Variants in NALCN observed in about 807,000 individuals in gnomAD.
NALCN encodes sodium leak channel NALCN.
In NALCN, 111 loss-of-function variants were observed where a neutral mutation model predicts 225.3. The ratio of observed to expected loss-of-function variants is 0.49; its 90% confidence interval spans 0.42 to 0.58. The LOEUF is 0.58. Among genes scored for constraint, NALCN ranks in the 20% least tolerant of loss-of-function variants. The probability of loss-of-function intolerance (pLI) is 0.00; values close to 1 mark genes in which losing one functional copy is unlikely to be tolerated. For synonymous variants in NALCN, 764 were observed against 769.0 expected (o/e 0.99, Z 0.11); for missense variants, 1,378 against 2,202.4 (o/e 0.63, Z 7.49).
rs528891240 is a variant in NALCN, at chr13:101,089,643, T to C, written c.3489+20A>G. 1.2e-6 allele frequency: 2 copies of C among 1,610,866 alleles called. No homozygotes were observed. The highest frequency in any genetic ancestry group is 1.3e-5 in the African/African-American group (1 of 74,830). On this transcript the variant is annotated intron_variant, in intron 30 of 43. Transcript: ENST00000251127. The surrounding 1 kb of genome is among the most constrained non-coding windows in gnomAD (Gnocchi z 4.7). The stretch of plus-strand genomic sequence containing the variant: ...CTAGAAAAGGCTAAACCCTGTGGTA[T>C]CCAAACCAAAAATCCTTACCTTGTT...
At chr13:101,110,543 G>A in intron 20 of NALCN, 76 bp downstream of exon 20, 1 of 1,449,794 alleles carries the variant, frequency 6.9e-7, no homozygotes, top group South Asian at 1.1e-5. Flanking sequence ...AAAGACACTG[G>A]GCATTGTCTA....
At chr13:101,299,792 T>G (rs940594983) in intron 7 of NALCN, among the ~76,000 whole-genome samples, 1 of 152,144 alleles carries the variant, frequency 6.6e-6, no homozygotes, top group African/African-American at 2.4e-5. Flanking sequence ...TAATAATCTC[T>G]TCACTCAGAT....
chr13:101,351,843 C>T (rs1379598597), intron 6 of NALCN, among the ~76,000 whole-genome samples: 1 of 152,160 alleles, frequency 6.6e-6, no homozygotes, highest in Non-Finnish European at 1.5e-5. Context: ...ACGACAAAGG[C>T]AATAGCTTAA....
chr13:101,331,230 A>C (rs2045159126), intron 7 of NALCN, among the ~76,000 whole-genome samples: 1 of 152,194 alleles, frequency 6.6e-6, no homozygotes, highest in African/African-American at 2.4e-5. Flanking sequence ...AGAGTTAGAA[A>C]ATATGGAAGC....
chr13:101,168,625 C>T (rs1250336858), intron 15 of NALCN, among the ~76,000 whole-genome samples: 1 of 152,156 alleles, frequency 6.6e-6, no homozygotes, highest in Non-Finnish European at 1.5e-5. Context: ...GCTGCCATCA[C>T]CACTTGCCTC....
intron 3 of NALCN, among the ~76,000 whole-genome samples, chr13:101,385,281 C>A (rs536919830): frequency 6.6e-6 from 1 of 152,200 alleles, no homozygotes; most frequent in South Asian, 2.1e-4. Flanking sequence ...TTCCATCACC[C>A]CTGCCACAGA....
intron 13 of NALCN, among the ~76,000 whole-genome samples, chr13:101,220,581 G>A (rs920595063): frequency 2.0e-5 from 3 of 152,100 alleles, no homozygotes; most frequent in African/African-American, 4.8e-5. Flanking sequence ...CACTTCACAC[G>A]TTCAGGCTGT....
chr13:101,156,252 C>T (rs985055187), intron 15 of NALCN, among the ~76,000 whole-genome samples: 2 of 152,096 alleles, frequency 1.3e-5, no homozygotes, highest in African/African-American at 2.4e-5. Flanking sequence ...AATGTCCTAT[C>T]CTCATCTTGT....
chr13:101,210,616 A>C (rs1211146296), intron 13 of NALCN, among the ~76,000 whole-genome samples: 1 of 152,182 alleles, frequency 6.6e-6, no homozygotes, highest in African/African-American at 2.4e-5. Context: ...TTAAAGTTTT[A>C]AACTTTCTAT....
chr13:101,176,474 T>A, intron 14 of NALCN, 100 bp from the exon 15 acceptor site: 1 of 708,866 alleles, frequency 1.4e-6, no homozygotes, highest in Non-Finnish European at 2.1e-6. Context: ...AGTATATAAT[T>A]CATTAAATGC....
chr13:101,213,415 C>T (rs80058547), intron 13 of NALCN, among the ~76,000 whole-genome samples: 9 of 152,024 alleles, frequency 5.9e-5, no homozygotes, highest in East Asian at 5.8e-4. Flanking sequence ...AAACACCCAA[C>T]GCAATGGCAA....
intron 42 of NALCN, 75 bp from the exon 43 acceptor site, chr13:101,058,131 A>T (rs2031496516): frequency 7.9e-7 from 1 of 1,273,022 alleles, no homozygotes; most frequent in Admixed American, 2.1e-5. Context: ...AAGAAAGGAA[A>T]ACACATGGCA....
At position 101,142,138 on chromosome 13, in the gene NALCN, C is replaced by CTTTTT. The variant is rs33925974; in HGVS notation, c.2118+937_2118+941dup. ...TATACCTAGATAATACATTCTATGT[C>CTTTTT]TTTTTTTTTTTTTTTTTTTTTGAGA... On this transcript the variant is annotated intron_variant, in intron 17 of 43. Transcript: ENST00000251127. Among the ~76,000 whole-genome samples the CTTTTT allele has an allele frequency of 7.3e-3, 706 of 97,042 alleles. 14 individuals carry two copies. The highest frequency in any genetic ancestry group is 9.7e-3 in the African/African-American group (235 of 24,262). The allele number at this position is 97,042 out of a possible 152,430, so 63.7% of individuals were successfully genotyped here. A position where few individuals can be genotyped will look rare whatever the true frequency, so the allele number is the denominator to read the frequency against.
chr13:101,169,744 T>G (rs1209249253), intron 15 of NALCN, among the ~76,000 whole-genome samples: 1 of 152,210 alleles, frequency 6.6e-6, no homozygotes, highest in African/African-American at 2.4e-5. Context: ...ACATATGAAT[T>G]GTGTGGACTT....
chr13:101,137,579 C>T (rs961472013), intron 17 of NALCN, among the ~76,000 whole-genome samples: 3 of 152,100 alleles, frequency 2.0e-5, no homozygotes, highest in Non-Finnish European at 4.4e-5. Context: ...TTTACTTCTT[C>T]AGATTCGAAG....
chr13:101,306,175 C>T (rs1461578769), intron 7 of NALCN, among the ~76,000 whole-genome samples: 3 of 152,138 alleles, frequency 2.0e-5, no homozygotes, highest in Non-Finnish European at 4.4e-5. Flanking sequence ...TGCCAGAGCT[C>T]CCGAGGCTGC....
chr13:101,112,206 AAAAAGCACACAG>A (rs2035479483), intron 18 of NALCN, among the ~76,000 whole-genome samples: 1 of 152,214 alleles, frequency 6.6e-6, no homozygotes, highest in Non-Finnish European at 1.5e-5. Flanking sequence ...AAAAAAAAAA[AAAAAGCACACAG>A]TTTTTGGAAT....
intron 6 of NALCN, among the ~76,000 whole-genome samples, chr13:101,374,440 C>T (rs943750709): frequency 4.6e-5 from 7 of 151,902 alleles, no homozygotes; most frequent in African/African-American, 1.7e-4. Context: ...GCCTGTGCCA[C>T]CATGCCCGGC....
At chr13:101,216,580 A>G (rs1286166295) in intron 13 of NALCN, among the ~76,000 whole-genome samples, 2 of 152,188 alleles carry the variant, frequency 1.3e-5, no homozygotes, top group Non-Finnish European at 2.9e-5. Context: ...CAGAACAAAA[A>G]TTAAAGATTT....
Sources: allele counts gnomAD v4.1 joint callset (sites outside exome capture counted in the v4.1 genomes callset), GRCh38; gene constraint gnomAD v4.1.1; non-coding constraint Gnocchi (gnomAD v3.1); transcripts MANE v1.5; gene names NCBI Gene and HGNC (gene_info 2026-07-23, HGNC 2026-07-21).